Variants in BPI observed in about 807,000 individuals in gnomAD.
BPI encodes the protein bactericidal permeability-increasing protein.
BPI carries 48 observed loss-of-function variants against 57.6 expected under a neutral mutation model. The ratio of observed to expected loss-of-function variants is 0.83; its 90% CI spans 0.66 to 1.06. The LOEUF is 1.06. Ranked by LOEUF, BPI falls within the 50% of genes least tolerant of loss-of-function variation. The pLI, the probability that BPI is intolerant of heterozygous loss-of-function variation, is 0.00. For missense variants in BPI, 651 were observed against 609.7 expected, an observed-to-expected ratio of 1.07 and a Z score of -0.71; for synonymous variants, 237 against 238.2, an observed-to-expected ratio of 0.99 and a Z score of 0.05.
intron 13 of BPI, chr20:38,335,331 T>C: frequency 1.9e-6 from 1 of 531,596 alleles, no homozygotes; most frequent in East Asian, 3.2e-5. Flanking sequence ...GTTTAGTGTA[T>C]ACCAGCAGTG....
intron 12 of BPI, among the ~76,000 whole-genome samples, chr20:38,332,119 G>A (rs908572090): frequency 3.3e-5 from 5 of 152,182 alleles, no homozygotes; most frequent in African/African-American, 7.2e-5. Flanking sequence ...AGGGGGCATC[G>A]GAAGAGATGT....
chr20:38,335,770 A>T, intron 14 of BPI, 96 bp downstream of exon 14: 1 of 1,255,104 alleles, frequency 8.0e-7, no homozygotes, highest in Non-Finnish European at 1.2e-6. Flanking sequence ...GCCCTGTGTG[A>T]AGCGCCTTCT....
At chr20:38,313,905 T>G in intron 5 of BPI, among the ~76,000 whole-genome samples, 1 of 143,642 alleles carries the variant, frequency 7.0e-6, no homozygotes. Context: ...TGATGGTGAT[T>G]CTGAGGATGA....
intron 5 of BPI, chr20:38,317,699 G>T: frequency 1.1e-6 from 1 of 938,470 alleles, no homozygotes; most frequent in African/African-American, 1.6e-5. Flanking sequence ...TGGGGGTGTG[G>T]CAAAGCCACA....
rs2076713538 is a variant in BPI at position 38,326,374 on chromosome 20, T to C, written c.1103T>C (p.Val368Ala). The C allele has an allele frequency of 6.2e-7, 1 of 1,614,174 alleles. No individual in the cohort carries two copies. Among genetic ancestry groups the C allele is most frequent in the African/African-American group, 1.3e-5 (1 of 75,060 alleles). Residue 368 changes from valine to alanine, a missense_variant, in exon 10 of 15, where the codon GTC (valine) becomes GCC (alanine). Val to Ala is a moderately conservative substitution (Grantham distance 64). Coordinates refer to ENST00000642449, the MANE Select transcript of BPI (RefSeq NM_001725.3). ...CTTACCTTCTACCCTGCCGTGGATGTCCAGGCCTTTGCCGTCCTCCCCAAC... is the reference window on the plus strand; with the variant it reads ...CTTACCTTCTACCCTGCCGTGGATGCCCAGGCCTTTGCCGTCCTCCCCAAC... ...TGLTFYPAVD[V>A]QAFAVLPNSS...
At chr20:38,313,157 G>T (rs1270633713) in intron 5 of BPI, among the ~76,000 whole-genome samples, 1 of 152,194 alleles carries the variant, frequency 6.6e-6, no homozygotes, top group Non-Finnish European at 1.5e-5. Context: ...GGCCAAGGCA[G>T]GTGGATCAAC....
In BPI at chr20:38,304,293, G is replaced by C; in HGVS notation, c.70G>C (p.Val24Leu). 6.2e-7 allele frequency: 1 copy of C among 1,614,144 alleles called. No individual in the cohort carries two copies. Among genetic ancestry groups the C allele is most frequent in the Non-Finnish European group, 8.5e-7 (1 of 1,180,032 alleles). Residue 24 changes from valine to leucine, a missense_variant, in exon 1 of 15, where the codon GTG becomes CTG. Transcript: ENST00000642449. ...LMVLVAIGTA[V>L]TAAVNPGVVV... Reference sequence around the variant, plus strand: ...GGTGCTGGTCGCCATAGGCACCGCCGTGACAGCGGCCGTCAACCCTGGCGT... The same window carrying C: ...GGTGCTGGTCGCCATAGGCACCGCCCTGACAGCGGCCGTCAACCCTGGCGT...
intron 12 of BPI, 71 bp from the exon 13 acceptor site, chr20:38,334,359 G>A (rs959238869): frequency 7.0e-7 from 1 of 1,421,752 alleles, no homozygotes. Context: ...GAGGTGGGGT[G>A]ATGAGGACTG....
intron 5 of BPI, among the ~76,000 whole-genome samples, chr20:38,313,828 A>G (rs1252930848): frequency 1.5e-5 from 2 of 129,466 alleles, no homozygotes; most frequent in East Asian, 2.4e-4. Flanking sequence ...TGAGGATGAT[A>G]ATGGTGATGG....
intron 11 of BPI, among the ~76,000 whole-genome samples, chr20:38,328,885 G>A (rs149067983): frequency 0.013 from 1,918 of 150,410 alleles, 21 homozygotes; most frequent in Middle Eastern, 0.029. Flanking sequence ...GCATGCCTGG[G>A]GTCCCAGCTA....
Position 38,306,182 on chromosome 20 carries a change from C to T in BPI, c.131-1385C>T, listed in dbSNP as rs532824377. Reference sequence around the variant, plus strand: ...AAGTAGCTGGGATTACAGGCGTGCACCATCACACCCAGCTAATTTTTTGTA... The same window carrying T: ...AAGTAGCTGGGATTACAGGCGTGCATCATCACACCCAGCTAATTTTTTGTA... On this transcript the variant is annotated intron_variant, in intron 1 of 14. Transcript: ENST00000642449. Among the ~76,000 whole-genome samples the T allele has an allele frequency of 3.9e-5, 6 of 152,312 alleles. No individual in the cohort carries two copies. The South Asian group carries it at 1.0e-3, about 26-fold the overall frequency.
intron 4 of BPI, among the ~76,000 whole-genome samples, chr20:38,311,227 G>A (rs2076620495): frequency 6.6e-6 from 1 of 152,212 alleles, no homozygotes; most frequent in African/African-American, 2.4e-5. Flanking sequence ...TACAGCTAAT[G>A]AGTGTTCAAG....
chr20:38,320,661 TACACAC>T (rs369329923), intron 7 of BPI, among the ~76,000 whole-genome samples: 53 of 130,882 alleles, frequency 4.0e-4, no homozygotes, highest in Middle Eastern at 3.9e-3. Flanking sequence ...TTATTACCAA[TACACAC>T]ACACACACAC....
At chr20:38,327,542 A>T in intron 10 of BPI, 46 bp from the exon 11 acceptor site, 1 of 1,607,462 alleles carries the variant, frequency 6.2e-7, no homozygotes, top group Non-Finnish European at 8.5e-7. Context: ...CCTTGCAATC[A>T]GGTGCCTGGG....
chr20:38,309,421 G>A (rs1024520952), intron 3 of BPI, among the ~76,000 whole-genome samples: 14 of 152,254 alleles, frequency 9.2e-5, no homozygotes, highest in African/African-American at 1.4e-4. Flanking sequence ...TGTATCTGTC[G>A]GCTGGGGCTT....
At chr20:38,330,018 TC>T (rs2076734582) in intron 11 of BPI, among the ~76,000 whole-genome samples, 1 of 152,114 alleles carries the variant, frequency 6.6e-6, no homozygotes, top group East Asian at 1.9e-4. Flanking sequence ...TGGCCAAAAC[TC>T]TGCTTTATTA....
At chr20:38,333,131 G>A (rs953182199) in intron 12 of BPI, among the ~76,000 whole-genome samples, 16 of 152,054 alleles carry the variant, frequency 1.1e-4, no homozygotes, top group Non-Finnish European at 4.4e-5. Context: ...TCTACCAAAT[G>A]AGATTCCAAA....
At chr20:38,320,311 T>C (rs1431911729) in intron 7 of BPI, 37 bp downstream of exon 7, 1 of 1,585,762 alleles carries the variant, frequency 6.3e-7, no homozygotes, top group Admixed American at 1.7e-5. Context: ...CCCTCACACC[T>C]CTGTCTCAGA....
At chr20:38,331,902 C>A (rs1227748356) in intron 12 of BPI, among the ~76,000 whole-genome samples, 1 of 149,878 alleles carries the variant, frequency 6.7e-6, no homozygotes, top group Non-Finnish European at 1.5e-5. Context: ...GCTATAAAAA[C>A]CAAAGCGGGG....
Sources: allele counts gnomAD v4.1 joint callset (sites outside exome capture counted in the v4.1 genomes callset), GRCh38; gene constraint gnomAD v4.1.1; transcripts MANE v1.5; gene names NCBI Gene and HGNC (gene_info 2026-07-23, HGNC 2026-07-21).